Variants in SGCD observed in about 807,000 individuals in gnomAD.
SGCD encodes the protein delta-sarcoglycan.
SGCD carries 18 observed loss-of-function variants against 36.6 expected under a neutral mutation model. The ratio of observed to expected loss-of-function variants is 0.49; its 90% CI spans 0.34 to 0.73. The LOEUF (loss-of-function observed/expected upper bound fraction) is 0.73, where lower values mean the gene tolerates loss of function less well. Among genes scored for constraint, SGCD ranks in the 30% least tolerant of loss-of-function variants. The pLI is 0.01. For missense variants in SGCD, 387 were observed against 346.7 expected (o/e 1.12, Z -0.92); for synonymous variants, 133 against 130.6 (o/e 1.02, Z -0.12).
intron 1 of SGCD, among the ~76,000 whole-genome samples, chr5:155,958,923 C>T (rs1757725885): frequency 6.6e-6 from 1 of 152,074 alleles, no homozygotes; most frequent in Non-Finnish European, 1.5e-5. Context: ...AACCTAACTC[C>T]AAGCAAAACT....
In SGCD at chr5:156,759,906, A is replaced by G. The variant is rs1336970600; in HGVS notation, c.*516A>G. On this transcript the variant is annotated 3_prime_UTR_variant, in exon 9 of 9. Coordinates refer to ENST00000337851, the MANE Select transcript of SGCD (RefSeq NM_000337.6). ...TTTGATTTCCTGTTTTAGCTTTAGT[A>G]AGGCTGGCTAACTTCCCCCTCTTCA... 6.6e-6 allele frequency: 1 copy of G among 152,198 alleles called. No individual in the cohort carries two copies. Among genetic ancestry groups the G allele is most frequent in the African/African-American group, 2.4e-5 (1 of 41,452 alleles). The allele number at this position is 152,198 out of a possible 1,614,324, so 9.4% of individuals were successfully genotyped here.
intron 3 of SGCD, among the ~76,000 whole-genome samples, chr5:156,490,820 G>A (rs1352574404): frequency 6.6e-6 from 1 of 151,992 alleles, no homozygotes; most frequent in East Asian, 1.9e-4. Flanking sequence ...CACTTTCACT[G>A]CTCTTATTCA....
chr5:156,034,493 T>C (rs1759440014), intron 1 of SGCD, among the ~76,000 whole-genome samples: 2 of 152,334 alleles, frequency 1.3e-5, no homozygotes, highest in African/African-American at 4.8e-5. Context: ...AACCTTGTTA[T>C]CTTCATCTGT....
At chr5:155,730,353 T>C in the SGCD span, among the ~76,000 whole-genome samples, 1 of 151,966 alleles carries the variant, frequency 6.6e-6, no homozygotes, top group African/African-American at 2.4e-5. Context: ...CATTTGTAGG[T>C]TGGGGACAAT....
At chr5:156,147,015 G>A (rs1470940435) in intron 3 of SGCD, among the ~76,000 whole-genome samples, 1 of 152,090 alleles carries the variant, frequency 6.6e-6, no homozygotes, top group Non-Finnish European at 1.5e-5. Context: ...TATAATGAAT[G>A]TACGGCAAAG....
chr5:156,731,223 T>C (rs749781187), intron 7 of SGCD, among the ~76,000 whole-genome samples: 6 of 152,210 alleles, frequency 3.9e-5, no homozygotes, highest in Non-Finnish European at 8.8e-5. Flanking sequence ...ACTCTGTTGA[T>C]AGTTTGTTTC....
At chr5:156,475,376 G>A (rs1198615337) in intron 3 of SGCD, among the ~76,000 whole-genome samples, 1 of 152,124 alleles carries the variant, frequency 6.6e-6, no homozygotes, top group African/African-American at 2.4e-5. Flanking sequence ...CAGACTATGG[G>A]TCCTTCCAAG....
chr5:156,188,583 T>A (rs1581156948), intron 3 of SGCD, among the ~76,000 whole-genome samples: 1 of 152,194 alleles, frequency 6.6e-6, no homozygotes, highest in East Asian at 1.9e-4. Flanking sequence ...TAGTGTCTAC[T>A]GTTGGGGTTC....
intron 1 of SGCD, among the ~76,000 whole-genome samples, chr5:155,904,498 C>A (rs760638172): frequency 7.2e-5 from 11 of 152,160 alleles, no homozygotes; most frequent in Non-Finnish European, 1.3e-4. Flanking sequence ...CTTTGTCTAT[C>A]ATTTTTAATT....
chr5:156,600,692 G>T (rs574767689), intron 6 of SGCD, among the ~76,000 whole-genome samples: 20 of 152,274 alleles, frequency 1.3e-4, no homozygotes, highest in African/African-American at 4.8e-4. Context: ...TATATATCCT[G>T]TAGTGGGATT....
intron 1 of SGCD, among the ~76,000 whole-genome samples, chr5:155,915,182 C>G (rs1049400205): frequency 6.6e-6 from 1 of 152,114 alleles, no homozygotes; most frequent in African/African-American, 2.4e-5. Context: ...ATTGTCACCC[C>G]TACAAGGACA....
chr5:155,994,469 T>C lies in SGCD; in HGVS notation c.-281-123409T>C, dbSNP rs78352201. ...GATGATGAGACATCATTCTTACCAT[T>C]AATGGCAGGAAGCAAGGTCATATTT... On this transcript the variant is annotated intron_variant, in intron 1 of 9. Transcript: ENST00000517913. Among the ~76,000 whole-genome samples, 674 of 152,332 alleles carry C rather than the reference T, an allele frequency of 4.4e-3. 8 individuals carry two copies. The highest frequency in any genetic ancestry group is 0.015 in the African/African-American group (614 of 41,582).
intron 3 of SGCD, among the ~76,000 whole-genome samples, chr5:156,490,117 G>A (rs891330802): frequency 6.6e-6 from 1 of 151,908 alleles, no homozygotes; most frequent in African/African-American, 2.4e-5. Flanking sequence ...AGCGGAAATG[G>A]ATAAATTACT....
At chr5:155,960,024 C>G (rs1757759167) in intron 1 of SGCD, among the ~76,000 whole-genome samples, 1 of 152,080 alleles carries the variant, frequency 6.6e-6, no homozygotes, top group South Asian at 2.1e-4. Context: ...AGGACACAGA[C>G]AAAAGTTACC....
At chr5:156,614,327 A>G (rs73299183) in intron 6 of SGCD, among the ~76,000 whole-genome samples, 8,011 of 152,256 alleles carry the variant, frequency 0.053, 703 homozygotes, top group African/African-American at 0.18. Flanking sequence ...CAGAGAGCAC[A>G]TGGCAGAGTC....
At chr5:155,850,201 C>G in the SGCD span, among the ~76,000 whole-genome samples, 1 of 152,096 alleles carries the variant, frequency 6.6e-6, no homozygotes, top group African/African-American at 2.4e-5. Flanking sequence ...ACTTTGCTGA[C>G]TAGGAATTGG....
chr5:156,704,322 T>G (rs1754653606), intron 7 of SGCD: 1 of 152,156 alleles, frequency 6.6e-6, no homozygotes, highest in Admixed American at 6.6e-5. Context: ...AAAATTCTGG[T>G]CATAAGTCCC....
intron 4 of SGCD, among the ~76,000 whole-genome samples, chr5:156,520,325 C>T (rs1458883569): frequency 1.3e-5 from 2 of 152,120 alleles, no homozygotes; most frequent in Admixed American, 1.3e-4. Flanking sequence ...GGAAGGATCT[C>T]CTCAGGAGAG....
At chr5:156,399,758 A>G (rs1431600834) in intron 3 of SGCD, among the ~76,000 whole-genome samples, 1 of 152,118 alleles carries the variant, frequency 6.6e-6, no homozygotes. Context: ...AACATTCTCT[A>G]CACGTTCATT....
Sources: gnomAD v4.1 joint callset for allele counts (sites outside exome capture counted in the v4.1 genomes callset) on GRCh38, gnomAD v4.1.1 for gene constraint, MANE v1.5 for transcripts, NCBI Gene and HGNC (gene_info 2026-07-23, HGNC 2026-07-21) for gene names.